NUBPL: variants seen among roughly 807,000 people sequenced by gnomAD.
NUBPL encodes the protein iron-sulfur cluster transfer protein NUBPL.
A neutral mutation model predicts 45.7 loss-of-function variants in NUBPL; 31 were observed. The observed-to-expected ratio is 0.68, with a 90% confidence interval of 0.51 to 0.92. The LOEUF is 0.92. NUBPL is among the 40% of genes least tolerant of loss of function. The pLI, the probability that NUBPL is intolerant of heterozygous loss-of-function variation, is 0.00. For missense variants in NUBPL, 401 were observed against 398.7 expected, an observed-to-expected ratio of 1.01 and a Z score of -0.05; for synonymous variants, 144 against 140.9, an observed-to-expected ratio of 1.02 and a Z score of -0.15.
At chr14:31,818,939 G>C (rs1476327046) in intron 7 of NUBPL, among the ~76,000 whole-genome samples, 2 of 152,206 alleles carry the variant, frequency 1.3e-5, no homozygotes, top group Non-Finnish European at 2.9e-5. Context: ...CTTTGTGACT[G>C]TAATCACTTG....
intron 3 of NUBPL, among the ~76,000 whole-genome samples, chr14:31,599,038 A>G (rs2034354636): frequency 1.3e-5 from 2 of 152,206 alleles, no homozygotes; most frequent in South Asian, 4.1e-4. Context: ...TGTAAAGCAT[A>G]TAGGATGGAT....
chr14:31,775,389 G>A (rs1216984434), intron 6 of NUBPL, among the ~76,000 whole-genome samples: 1 of 152,150 alleles, frequency 6.6e-6, no homozygotes, highest in Non-Finnish European at 1.5e-5. Flanking sequence ...TTGCACATCA[G>A]CCTGGGCGAC....
At chr14:31,597,084 T>C (rs1249072041) in intron 3 of NUBPL, among the ~76,000 whole-genome samples, 1 of 152,180 alleles carries the variant, frequency 6.6e-6, no homozygotes, top group Admixed American at 6.5e-5. Context: ...TTAATCCCTT[T>C]GCTCCTCTCT....
At chr14:31,630,037 G>A (rs538066500) in intron 4 of NUBPL, among the ~76,000 whole-genome samples, 2 of 152,210 alleles carry the variant, frequency 1.3e-5, no homozygotes, top group South Asian at 2.1e-4. Context: ...ACATTTAAAG[G>A]TGCTCCATAA....
intron 4 of NUBPL, among the ~76,000 whole-genome samples, chr14:31,610,098 C>G (rs1193463398): frequency 6.6e-6 from 1 of 151,614 alleles, no homozygotes; most frequent in Non-Finnish European, 1.5e-5. Context: ...ATGAAGAAAA[C>G]AATACAAAAG....
At chr14:31,769,345 A>T (rs1247236188) in intron 6 of NUBPL, among the ~76,000 whole-genome samples, 2 of 152,194 alleles carry the variant, frequency 1.3e-5, no homozygotes, top group Non-Finnish European at 2.9e-5. Flanking sequence ...TCAAGGAGTC[A>T]TGATTGAATC....
At chr14:31,620,185 G>A (rs565256495) in intron 4 of NUBPL, among the ~76,000 whole-genome samples, 8 of 151,902 alleles carry the variant, frequency 5.3e-5, no homozygotes, top group African/African-American at 1.4e-4. Flanking sequence ...TTCATCTGAC[G>A]TTTTTTCAAG....
At chr14:31,753,520 G>C (rs1433392348) in intron 6 of NUBPL, among the ~76,000 whole-genome samples, 1 of 152,154 alleles carries the variant, frequency 6.6e-6, no homozygotes, top group African/African-American at 2.4e-5. Context: ...AGCATTACAA[G>C]TATATAGGCA....
intron 6 of NUBPL, among the ~76,000 whole-genome samples, chr14:31,729,281 C>A (rs983029618): frequency 2.3e-4 from 11 of 48,136 alleles, no homozygotes; most frequent in Non-Finnish European, 1.7e-4. Flanking sequence ...TCCATCCCCC[C>A]CCCCCCCAAA....
chr14:31,640,439 A>G (rs751810124), intron 4 of NUBPL, among the ~76,000 whole-genome samples: 71 of 151,694 alleles, frequency 4.7e-4, no homozygotes, highest in Non-Finnish European at 8.1e-4. Flanking sequence ...GTCTCTGCTA[A>G]AAATACAAAA....
At chr14:31,690,175 C>T (rs1015498344) in intron 6 of NUBPL, among the ~76,000 whole-genome samples, 8 of 151,904 alleles carry the variant, frequency 5.3e-5, no homozygotes, top group Non-Finnish European at 8.8e-5. Flanking sequence ...CTAGGCTAAC[C>T]CTATTATTTT....
chr14:31,842,832 A>G (rs770575914), intron 8 of NUBPL, among the ~76,000 whole-genome samples: 3 of 152,136 alleles, frequency 2.0e-5, no homozygotes, highest in African/African-American at 4.8e-5. Context: ...AATAAGTTAT[A>G]TATTGTATAT....
intron 4 of NUBPL, among the ~76,000 whole-genome samples, chr14:31,668,233 G>A (rs2036485071): frequency 6.6e-6 from 1 of 152,182 alleles, no homozygotes; most frequent in East Asian, 1.9e-4. Flanking sequence ...TGGGGCTGCT[G>A]CCTTTCTTTC....
At chr14:31,849,721 C>G (rs1027657953) in intron 9 of NUBPL, among the ~76,000 whole-genome samples, 2 of 152,068 alleles carry the variant, frequency 1.3e-5, no homozygotes, top group East Asian at 3.8e-4. Context: ...TTTTTTTGAA[C>G]TACTTTGCCT....
intron 6 of NUBPL, among the ~76,000 whole-genome samples, chr14:31,783,100 C>G (rs955721925): frequency 2.0e-5 from 3 of 152,156 alleles, no homozygotes; most frequent in African/African-American, 4.8e-5. Context: ...AGTCAGCTAA[C>G]AAGGAGACAG....
chr14:31,757,434 G>C (rs1300936242), intron 6 of NUBPL, among the ~76,000 whole-genome samples: 1 of 151,758 alleles, frequency 6.6e-6, no homozygotes, highest in Non-Finnish European at 1.5e-5. Flanking sequence ...TCTTGGGAGG[G>C]TGTATATGTT....
chr14:31,767,790 T>A (rs1170729430), intron 6 of NUBPL, among the ~76,000 whole-genome samples: 1 of 152,132 alleles, frequency 6.6e-6, no homozygotes, highest in Non-Finnish European at 1.5e-5. Flanking sequence ...GGTGGGAGAA[T>A]GGCTTGAGCC....
rs886050450 is a variant in NUBPL, at chr14:31,673,356, C to T, written c.384C>T (p.Ser128=). Residue 128 remains serine (S), a splice_region_variant and synonymous_variant, in exon 5 of 11, where the codon AGC becomes AGT. Coordinates refer to ENST00000281081, the MANE Select transcript of NUBPL (RefSeq NM_025152.3). ...AGAGAGGATTTTTTTTTTTTCCAGG[C>T]AACCTAATGAGGCCTCTCTTGAATT... The part of the protein sequence containing the change: ...NLKGNPELSQ[S]NLMRPLLNYG... 6 of 1,592,652 alleles carry T rather than the reference C, an allele frequency of 3.8e-6. No homozygotes were observed. Among genetic ancestry groups the T allele is most frequent in the Non-Finnish European group, 5.1e-6 (6 of 1,169,754 alleles).
intron 6 of NUBPL, among the ~76,000 whole-genome samples, chr14:31,783,033 C>G (rs867495446): frequency 6.6e-6 from 1 of 152,090 alleles, no homozygotes; most frequent in African/African-American, 2.4e-5. Flanking sequence ...TGCCTGTGCA[C>G]AATGGAAATC....
Sources: allele counts gnomAD v4.1 joint callset (sites outside exome capture counted in the v4.1 genomes callset), GRCh38; gene constraint gnomAD v4.1.1; transcripts MANE v1.5; gene names NCBI Gene and HGNC (gene_info 2026-07-23, HGNC 2026-07-21).